Variants in HSPD1 observed in about 807,000 individuals in gnomAD.
The protein encoded by HSPD1 is 60 kDa heat shock protein, mitochondrial.
Under a neutral mutation model 53.0 loss-of-function variants are expected in HSPD1, and 3 were observed. The ratio of observed to expected loss-of-function variants is 0.06; its 90% CI spans 0.03 to 0.15. The LOEUF (loss-of-function observed/expected upper bound fraction) is 0.15. Among genes scored for constraint, HSPD1 ranks in the 10% least tolerant of loss-of-function variants. HSPD1 has a pLI of 1.00. For synonymous variants in HSPD1, 200 were observed against 228.0 expected (o/e 0.88, Z 1.10); for missense variants, 431 against 694.1 (o/e 0.62, Z 4.26).
intron 8 of HSPD1, among the ~76,000 whole-genome samples, chr2:197,489,566 T>C (rs1346463338): frequency 6.6e-6 from 1 of 152,148 alleles, no homozygotes; most frequent in Non-Finnish European, 1.5e-5. Flanking sequence ...AGCATACACT[T>C]CTACCTTTCA....
At chr2:197,495,105 C>T in intron 4 of HSPD1, 189 bp downstream of exon 4, 1 of 623,200 alleles carries the variant, frequency 1.6e-6, no homozygotes, top group Admixed American at 2.8e-5. Context: ...ATGACAACCA[C>T]ATGTAGAACT....
chr2:197,488,586 G>A, intron 9 of HSPD1, 95 bp from the exon 10 acceptor site: 2 of 1,175,062 alleles, frequency 1.7e-6, no homozygotes, highest in Non-Finnish European at 2.6e-6. Context: ...AAGCAATCCT[G>A]AGGTGGGCGT....
At chr2:197,498,597 G>T in intron 2 of HSPD1, 78 bp downstream of exon 2, 1 of 1,245,714 alleles carries the variant, frequency 8.0e-7, no homozygotes, top group Non-Finnish European at 1.2e-6. Flanking sequence ...AAGTACTGTT[G>T]AATAGTTCAG....
At chr2:197,494,877 G>T (rs564553952) in intron 4 of HSPD1, 125 bp from the exon 5 acceptor site, 4 of 720,786 alleles carry the variant, frequency 5.5e-6, no homozygotes, top group Non-Finnish European at 1.0e-5. Context: ...GGGAATTTAC[G>T]TTATGGTAGT....
chr2:197,487,043 G>T lies in HSPD1; in HGVS notation c.*3C>A. 7.5e-7 allele frequency: 1 copy of T among 1,339,246 alleles called. No individual in the cohort carries two copies. Among genetic ancestry groups the T allele is most frequent in the South Asian group, 1.2e-5 (1 of 85,652 alleles). The allele number at this position is 1,339,246 out of a possible 1,614,324, so 83.0% of individuals were successfully genotyped here. A position where few individuals can be genotyped will look rare whatever the true frequency, so the allele number is the denominator to read the frequency against. ...TAATAAAGGTAAAGCACTAGTCTAG[G>T]AGTTAGAACATGCCACCTCCCATAC... is the stretch of plus-strand genomic sequence containing the variant. On this transcript the variant is annotated 3_prime_UTR_variant, in exon 12 of 12. Coordinates refer to ENST00000388968, the MANE Select transcript of HSPD1 (RefSeq NM_002156.5).
At chr2:197,487,377 T>A (rs41265955) in intron 11 of HSPD1, among the ~76,000 whole-genome samples, 179 bp from the exon 12 acceptor site, 3,626 of 152,120 alleles carry the variant, frequency 0.024, 60 homozygotes, top group Non-Finnish European at 0.038. Context: ...TGAGACCCCG[T>A]CTCTACTAAA....
At chr2:197,494,537 A>G (rs2086133529) in intron 5 of HSPD1, 120 bp downstream of exon 5, 1 of 652,538 alleles carries the variant, frequency 1.5e-6, no homozygotes, top group African/African-American at 3.7e-5. Context: ...AAGGAATAAA[A>G]AAAGCAGTTT....
chr2:197,490,229 G>A lies in HSPD1; in HGVS notation c.937C>T (p.Leu313Phe), dbSNP rs2086074082. ...CCAGTAGCAATAGCCATATCTTTAA[G>A]CTGGTTCTTTCTATTGTCACCAAAC... ...PGFGDNRKNQLKDMAIATGGA... is the reference protein window; with the variant it reads ...PGFGDNRKNQFKDMAIATGGA... Residue 313 changes from leucine (L) to phenylalanine (F), a missense_variant, in exon 8 of 12, where the codon CTT becomes TTT. By Grantham distance (22) the Leu-to-Phe change is conservative. Around this residue, in one of 2 missense-constraint regions of HSPD1, gnomAD observed 386 missense variants for 657.6 expected, o/e 0.59. Transcript: ENST00000388968. 6.2e-7 allele frequency: 1 copy of A among 1,613,684 alleles called. No homozygotes were observed. The highest frequency in any genetic ancestry group is 8.5e-7 in the Non-Finnish European group (1 of 1,179,698).
At chr2:197,495,218 T>G in intron 4 of HSPD1, 76 bp downstream of exon 4, 1 of 786,634 alleles carries the variant, frequency 1.3e-6, no homozygotes, top group South Asian at 1.4e-5. Context: ...CTGACATTGG[T>G]GTGATCAAGG....
intron 7 of HSPD1, 98 bp from the exon 8 acceptor site, chr2:197,490,394 G>T: frequency 2.2e-6 from 2 of 905,454 alleles, no homozygotes; most frequent in South Asian, 1.4e-5. Flanking sequence ...GACTCCCTAA[G>T]TAATCTGGTT....
chr2:197,498,585 G>A, intron 2 of HSPD1, 90 bp downstream of exon 2: 2 of 1,152,578 alleles, frequency 1.7e-6, no homozygotes, highest in Non-Finnish European at 2.6e-6. Context: ...AAATGGAGAT[G>A]AAAGTACTGT....
rs553496303 is a variant in HSPD1 at position 197,497,567 on chromosome 2, C to T, written c.175-175G>A. The T allele has an allele frequency of 2.8e-5, 18 of 650,380 alleles. No individual in the cohort carries two copies. The Middle Eastern group carries it at 1.8e-3, about 66-fold the overall frequency. The allele number at this position is 650,380 out of a possible 1,614,324, so 40.3% of individuals were successfully genotyped here. ...CAAGTTTATCGACATTCTTTGTCTACAGACAAAATGACCTGATTCTCTGCC... is the reference window on the plus strand; with the variant it reads ...CAAGTTTATCGACATTCTTTGTCTATAGACAAAATGACCTGATTCTCTGCC... On this transcript the variant is annotated intron_variant, in intron 2 of 11. Coordinates refer to ENST00000388968, the MANE Select transcript of HSPD1 (RefSeq NM_002156.5).
At position 197,486,823 on chromosome 2, in the gene HSPD1, T is replaced by G; in HGVS notation, c.*223A>C. ...AGTATCAGGAATGTACAAATGTTTT[T>G]TATTCAAAAATACAAAATAAATTAT... On this transcript the variant is annotated 3_prime_UTR_variant, in exon 12 of 12. Coordinates refer to ENST00000388968, the MANE Select transcript of HSPD1 (RefSeq NM_002156.5). 1.9e-6 allele frequency: 1 copy of G among 538,084 alleles called. No homozygotes were observed. Among genetic ancestry groups the G allele is most frequent in the East Asian group, 3.3e-5 (1 of 30,382 alleles). 33.3% of individuals were successfully genotyped at this position (538,084 alleles called of 1,614,324 possible).
At chr2:197,492,796 G>C (rs1285117057) in intron 7 of HSPD1, among the ~76,000 whole-genome samples, 2 of 151,774 alleles carry the variant, frequency 1.3e-5, no homozygotes, top group Admixed American at 6.6e-5. Flanking sequence ...CGGATCACGA[G>C]GTCAGGAGTT....
chr2:197,493,543 A>G (rs767628291), intron 6 of HSPD1, 51 bp from the exon 7 acceptor site: 8 of 1,363,912 alleles, frequency 5.9e-6, no homozygotes, highest in Middle Eastern at 1.8e-4. Flanking sequence ...ACTGCAATAC[A>G]TTTAAATGAA....
chr2:197,497,545 G>T, intron 2 of HSPD1, 153 bp from the exon 3 acceptor site: 1 of 715,226 alleles, frequency 1.4e-6, no homozygotes, highest in Non-Finnish European at 2.4e-6. Flanking sequence ...TCAAGGGCAA[G>T]TTTATCGACA....
intron 7 of HSPD1, 121 bp from the exon 8 acceptor site, chr2:197,490,417 T>TG (rs2086076749): frequency 5.8e-5 from 38 of 650,204 alleles, no homozygotes; most frequent in Admixed American, 1.7e-4. Flanking sequence ...GTTTTTGTGT[T>TG]TTTTTGTTTT....
At chr2:197,494,782 A>G (rs1408821405) in intron 4 of HSPD1, 30 bp from the exon 5 acceptor site, 12 of 1,461,502 alleles carry the variant, frequency 8.2e-6, no homozygotes, top group Non-Finnish European at 1.1e-5. Context: ...CTTCGAAATT[A>G]AAAGGTAAGC....
chr2:197,497,625 G>C (rs948821818), intron 2 of HSPD1: 9 of 562,104 alleles, frequency 1.6e-5, no homozygotes, highest in African/African-American at 1.5e-4. Flanking sequence ...TAATTTAGGA[G>C]ATTAAAATCC....
Sources: allele counts gnomAD v4.1 joint callset (sites outside exome capture counted in the v4.1 genomes callset), GRCh38; gene constraint gnomAD v4.1.1; regional missense constraint gnomAD v4.1.1; transcripts MANE v1.5; gene names NCBI Gene and HGNC (gene_info 2026-07-23, HGNC 2026-07-21).